The following SLC38A8 variants were observed in gnomAD, a reference collection of about 807,000 sequenced individuals.
The protein encoded by SLC38A8 is solute carrier family 38 member 8.
A neutral mutation model predicts 46.0 loss-of-function variants in SLC38A8; 65 were observed. That is an observed-to-expected ratio of 1.41 (90% CI 1.16 to 1.74). The LOEUF is 1.74. SLC38A8 is among the 40% of genes most tolerant of loss of function. The pLI, the probability that SLC38A8 is intolerant of heterozygous loss-of-function variation, is 0.00. For missense variants in SLC38A8, 998 were observed against 567.9 expected (o/e 1.76, Z -7.70); for synonymous variants, 447 against 243.7 (o/e 1.83, Z -7.77).
At position 84,020,375 on chromosome 16, in the gene SLC38A8, G is replaced by A. The variant is rs570497219; in HGVS notation, c.805+2400C>T. Among the ~76,000 whole-genome samples, 21 of 152,172 alleles carry A rather than the reference G, an allele frequency of 1.4e-4. No individual in the cohort carries two copies. In the East Asian group the frequency reaches 2.3e-3, roughly 17 times the overall value. ...TGGCCAGGCTGGCCTCGAACTCCTG[G>A]CCTCAAGCAGTCCTTTCACCTCAGC... On this transcript the variant is annotated intron_variant, in intron 7 of 10. Transcript: ENST00000299709.
chr16:84,035,664 T>G (rs1400842435), intron 3 of SLC38A8, among the ~76,000 whole-genome samples: 1 of 152,216 alleles, frequency 6.6e-6, no homozygotes, highest in Non-Finnish European at 1.5e-5. Flanking sequence ...AGAAGAGAAC[T>G]TCTATACAAA....
intron 3 of SLC38A8, among the ~76,000 whole-genome samples, chr16:84,034,399 A>C (rs538534525): frequency 6.6e-6 from 1 of 152,208 alleles, no homozygotes; most frequent in African/African-American, 2.4e-5. Flanking sequence ...AGTGGGATGA[A>C]TGATTTGGAA....
At chr16:84,010,770 G>C (rs910812542) in intron 10 of SLC38A8, among the ~76,000 whole-genome samples, 1 of 152,040 alleles carries the variant, frequency 6.6e-6, no homozygotes, top group Non-Finnish European at 1.5e-5. Context: ...ATGGAGAGAA[G>C]GGAGACACTA....
intron 2 of SLC38A8, 93 bp from the exon 3 acceptor site, chr16:84,036,993 T>G (rs2085308110): frequency 7.7e-7 from 1 of 1,304,792 alleles, no homozygotes; most frequent in Non-Finnish European, 1.1e-6. Context: ...CCACATGGCT[T>G]CTCATCCACA....
At chr16:84,017,828 A>C (rs1303563844) in intron 7 of SLC38A8, among the ~76,000 whole-genome samples, 1 of 152,134 alleles carries the variant, frequency 6.6e-6, no homozygotes, top group Non-Finnish European at 1.5e-5. Context: ...ATAGGTCTCT[A>C]AGAGCCATGT....
rs374872713 is a variant in SLC38A8, at chr16:84,017,289, T to C, written c.806-2A>G. ...CAAAAGTCAGGAAGCCATAAACCCC[T>C]GAAGGTGGGAAAGGATGGAAGCCAC... is the stretch of plus-strand genomic sequence containing the variant. On this transcript the variant is annotated splice_acceptor_variant, in intron 7 of 10. Coordinates refer to ENST00000299709, the MANE Select transcript of SLC38A8 (RefSeq NM_001080442.3). LOFTEE classifies it high-confidence loss of function. 1 of 1,613,806 alleles carries C rather than the reference T, an allele frequency of 6.2e-7. No individual in the cohort carries two copies. Among genetic ancestry groups the C allele is most frequent in the African/African-American group, 1.3e-5 (1 of 74,898 alleles).
intron 3 of SLC38A8, among the ~76,000 whole-genome samples, chr16:84,036,109 G>C (rs1415136398): frequency 9.2e-5 from 14 of 152,158 alleles, no homozygotes; most frequent in Admixed American, 4.6e-4. Context: ...TGCAAATTAA[G>C]GTCGAAACCG....
In SLC38A8 at chr16:84,028,570, G is replaced by GAA. The variant is rs34104203; in HGVS notation, c.690+922_690+923dup. ...AGAATGAGACTCCAACTCAAAAAAA[G>GAA]AAAAAAAAAAAAAGAAAGAAATGGA... On this transcript the variant is annotated intron_variant, in intron 6 of 10. Coordinates refer to ENST00000299709, the MANE Select transcript of SLC38A8 (RefSeq NM_001080442.3). Among the ~76,000 whole-genome samples, 241 of 139,296 alleles carry GAA rather than the reference G, an allele frequency of 1.7e-3. 3 individuals are homozygous for GAA. Among genetic ancestry groups the GAA allele is most frequent in the East Asian group, 7.0e-3 (33 of 4,716 alleles). 91.4% of individuals were successfully genotyped at this position (139,296 alleles called of 152,430 possible).
At position 84,033,388 on chromosome 16, in the gene SLC38A8, G is replaced by A. The variant is rs990445509; in HGVS notation, c.470C>T (p.Ser157Phe). The A allele has an allele frequency of 1.2e-6, 2 of 1,614,040 alleles. No individual in the cohort carries two copies. Among genetic ancestry groups the A allele is most frequent in the Admixed American group, 3.3e-5 (2 of 60,024 alleles). ...ADQRFTLPLL[S>F]VLVILPLSAP... ...AGACAGGGGCAGGATGACCAGCACG[G>A]AGAGCAGGGGCAGGGTGAAGCGCTG... The change falls in exon 4 of 11, where the codon TCC becomes TTC. Residue 157 changes from serine (S) to phenylalanine (F), a missense_variant. By Grantham distance (155) the Ser-to-Phe change is radical. Coordinates refer to ENST00000299709, the MANE Select transcript of SLC38A8 (RefSeq NM_001080442.3).
In SLC38A8 at chr16:84,009,735, G is replaced by T; in HGVS notation, c.*49C>A. ...TCTCCTGGCTGCATACAGCAGCCAC[G>T]TAGGGTCAGCCCCCGGAGGGCCCCT... On this transcript the variant is annotated 3_prime_UTR_variant, in exon 11 of 11. Coordinates refer to ENST00000299709, the MANE Select transcript of SLC38A8 (RefSeq NM_001080442.3). 2 of 1,541,942 alleles carry T rather than the reference G, an allele frequency of 1.3e-6. No individual in the cohort carries two copies. The highest frequency in any genetic ancestry group is 1.8e-6 in the Non-Finnish European group (2 of 1,127,164).
chr16:84,011,912 A>G (rs1296413482), intron 10 of SLC38A8, among the ~76,000 whole-genome samples: 3 of 152,134 alleles, frequency 2.0e-5, no homozygotes, highest in African/African-American at 7.2e-5. Context: ...AAGCAGAGGG[A>G]TTTCTGAGAC....
At chr16:84,032,238 G>A (rs2085249634) in intron 4 of SLC38A8, among the ~76,000 whole-genome samples, 1 of 152,166 alleles carries the variant, frequency 6.6e-6, no homozygotes, top group Non-Finnish European at 1.5e-5. Flanking sequence ...GCCCAGGCTG[G>A]AGTGCAGTGG....
Position 84,041,999 on chromosome 16 carries a change from G to T in SLC38A8, c.159C>A (p.Gly53=). 6.2e-7 allele frequency: 1 copy of T among 1,609,120 alleles called. No individual in the cohort carries two copies. The highest frequency in any genetic ancestry group is 8.5e-7 in the Non-Finnish European group (1 of 1,177,326). The change falls in exon 2 of 11, where the codon GGC becomes GGA. Residue 53 remains glycine, a synonymous_variant. Transcript: ENST00000299709. ...LNFPWAFSKA[G]GVVPAFLVEL... is the part of the protein sequence containing the mutation. ...CCACCAGGAAGGCAGGGACCACTCC[G>T]CCCGCTTTGGAGAAGGCCCAGGGGA...
chr16:84,018,743 G>C (rs1205565903), intron 7 of SLC38A8, among the ~76,000 whole-genome samples: 2 of 152,184 alleles, frequency 1.3e-5, no homozygotes, highest in Non-Finnish European at 1.5e-5. Context: ...AGTGATGTCT[G>C]ATGAAGCGGC....
intron 6 of SLC38A8, among the ~76,000 whole-genome samples, chr16:84,023,765 G>A (rs545320521): frequency 6.6e-6 from 1 of 152,190 alleles, no homozygotes; most frequent in South Asian, 2.1e-4. Flanking sequence ...ATGGTAATGA[G>A]CACCTGTAAT....
chr16:84,034,162 G>C (rs1275333322), intron 3 of SLC38A8, among the ~76,000 whole-genome samples: 3 of 152,198 alleles, frequency 2.0e-5, no homozygotes, highest in African/African-American at 4.8e-5. Context: ...GGGCCACCTA[G>C]CAGGCACCTC....
At chr16:84,039,413 G>C (rs1373796734) in intron 2 of SLC38A8, among the ~76,000 whole-genome samples, 1 of 152,276 alleles carries the variant, frequency 6.6e-6, no homozygotes, top group South Asian at 2.1e-4. Context: ...CCAGAGAAGG[G>C]CCTGACAAAT....
intron 10 of SLC38A8, among the ~76,000 whole-genome samples, chr16:84,012,386 G>A (rs1237817884): frequency 6.6e-6 from 1 of 152,230 alleles, no homozygotes; most frequent in Non-Finnish European, 1.5e-5. Context: ...TTTGTCAAAT[G>A]AAGGAAAGAT....
intron 7 of SLC38A8, among the ~76,000 whole-genome samples, chr16:84,021,777 T>C (rs917953906): frequency 6.6e-6 from 1 of 152,246 alleles, no homozygotes; most frequent in Admixed American, 6.5e-5. Flanking sequence ...TTGAGTAATT[T>C]ATACAGAAAG....
Sources: allele counts gnomAD v4.1 joint callset (sites outside exome capture counted in the v4.1 genomes callset), GRCh38; gene constraint gnomAD v4.1.1; transcripts MANE v1.5; gene names NCBI Gene and HGNC (gene_info 2026-07-23, HGNC 2026-07-21).